REPS2: variants seen among roughly 807,000 people sequenced by gnomAD.
The protein encoded by REPS2 is RALBP1 associated Eps domain containing 2.
Under a neutral mutation model 53.6 loss-of-function variants are expected in REPS2, and 23 were observed. The observed-to-expected ratio is 0.43, with a 90% CI of 0.31 to 0.61. The LOEUF (loss-of-function observed/expected upper bound fraction) is 0.61, where lower values mean the gene tolerates loss of function less well. REPS2 is among the 20% of genes least tolerant of loss of function. The pLI, the probability that REPS2 is intolerant of heterozygous loss-of-function variation, is 0.11. For missense variants in REPS2, 446 were observed against 534.9 expected (o/e 0.83, Z 1.64); for synonymous variants, 238 against 218.6 (o/e 1.09, Z -0.78).
At chrX:16,988,360 C>T (rs2061117608) in intron 1 of REPS2, among the ~76,000 whole-genome samples, 1 of 112,066 alleles carries the variant, frequency 8.9e-6, no homozygotes, top group South Asian at 3.7e-4. Context: ...CTACAGTCTA[C>T]AGAATAACTC....
chrX:16,975,693 C>T (rs1189789700), intron 1 of REPS2, among the ~76,000 whole-genome samples: 5 of 111,742 alleles, frequency 4.5e-5, no homozygotes, highest in South Asian at 3.7e-4. Context: ...TTAGATATGA[C>T]GTATCAGAGT....
chrX:17,022,205 G>C lies in REPS2; in HGVS notation c.480G>C (p.Lys160Asn). Residue 160 changes from lysine to asparagine, a missense_variant, in exon 3 of 18, where the codon AAG becomes AAC. Physicochemically the swap from Lys to Asn is moderately conservative, Grantham distance 94. Coordinates refer to ENST00000357277, the MANE Select transcript of REPS2 (RefSeq NM_004726.3). Reference protein sequence around the residue: ...FGNPAELHGTKVQIPYLTTEK... With the variant: ...FGNPAELHGTNVQIPYLTTEK... ...ACCCAGCTGAGCTGCATGGAACTAA[G>C]GTTCAGATTCCATATTTAACTACAG... 8.3e-7 allele frequency: 1 copy of C among 1,206,806 alleles called. No homozygotes were observed. The highest frequency in any genetic ancestry group is 1.1e-6 in the Non-Finnish European group (1 of 890,943).
chrX:17,051,338 T>C (rs1243837974), intron 6 of REPS2, among the ~76,000 whole-genome samples: 1 of 112,220 alleles, frequency 8.9e-6, no homozygotes, highest in Non-Finnish European at 1.9e-5. Context: ...CACATATTTC[T>C]TTGATACACT....
chrX:17,069,785 A>G (rs1389653978), intron 10 of REPS2, among the ~76,000 whole-genome samples, 155 bp from the exon 11 acceptor site: 3 of 112,060 alleles, frequency 2.7e-5, no homozygotes, highest in African/African-American at 9.7e-5. Context: ...AGTAAATGCT[A>G]TAGCAACTTT....
At chrX:16,967,313 C>T (rs1485452742) in intron 1 of REPS2, among the ~76,000 whole-genome samples, 1 of 109,911 alleles carries the variant, frequency 9.1e-6, no homozygotes, top group Non-Finnish European at 1.9e-5. Context: ...CTCCCAGACC[C>T]TAAGAAAAAG....
chrX:17,047,668 T>G, intron 6 of REPS2, among the ~76,000 whole-genome samples, 186 bp downstream of exon 6: 1 of 112,819 alleles, frequency 8.9e-6, no homozygotes, highest in Non-Finnish European at 1.9e-5. Context: ...GAAAATTATA[T>G]TTCCATTTCA....
chrX:16,978,394 A>G (rs1273811342), intron 1 of REPS2: 1 of 132,892 alleles, frequency 7.5e-6, no homozygotes. Context: ...ATAAGTTGAA[A>G]CATCTTGATA....
chrX:16,960,258 T>C (rs758450125), intron 1 of REPS2, among the ~76,000 whole-genome samples: 1 of 110,870 alleles, frequency 9.0e-6, no homozygotes, highest in Admixed American at 9.6e-5. Flanking sequence ...TCCCTGCTAC[T>C]TGGGAGGCTG....
chrX:17,017,857 G>A lies in REPS2; in HGVS notation c.398-4266G>A, dbSNP rs140456582. Among the ~76,000 whole-genome samples, 868 of 110,843 alleles carry A rather than the reference G, an allele frequency of 7.8e-3. 12 individuals carry two copies. Among genetic ancestry groups the A allele is most frequent in the African/African-American group, 0.028 (842 of 30,499 alleles). On this transcript the variant is annotated intron_variant, in intron 2 of 17. Transcript: ENST00000357277. Reference sequence around the variant, plus strand: ...ACAAGCACAAATTGAGGTATGCAAGGAGGGTAAAATATACATGGGAGTTTG... The same window carrying A: ...ACAAGCACAAATTGAGGTATGCAAGAAGGGTAAAATATACATGGGAGTTTG...
At chrX:17,111,794 G>T (rs767096103) in intron 14 of REPS2, among the ~76,000 whole-genome samples, 1 of 111,565 alleles carries the variant, frequency 9.0e-6, no homozygotes, top group South Asian at 3.8e-4. Context: ...GGACTAGAGG[G>T]ATCCTACTAG....
intron 8 of REPS2, among the ~76,000 whole-genome samples, chrX:17,061,907 T>C (rs987475392): frequency 6.2e-5 from 7 of 112,682 alleles, no homozygotes; most frequent in Admixed American, 1.9e-4. Flanking sequence ...TTTATGCTCT[T>C]ATTTTTATCA....
downstream of REPS2, among the ~76,000 whole-genome samples, chrX:17,154,729 T>C (rs1027780826): frequency 1.8e-5 from 2 of 112,670 alleles, no homozygotes; most frequent in African/African-American, 6.5e-5. Context: ...ATCACTTTTC[T>C]TCATTTGCTG....
intron 14 of REPS2, among the ~76,000 whole-genome samples, chrX:17,118,225 C>T (rs1364261619): frequency 9.1e-6 from 1 of 109,707 alleles, no homozygotes; most frequent in Admixed American, 9.7e-5. Flanking sequence ...TCCCAAAGTG[C>T]TGGGATTACA....
intron 17 of REPS2, among the ~76,000 whole-genome samples, chrX:17,141,542 G>T (rs2063447108): frequency 8.9e-6 from 1 of 111,841 alleles, no homozygotes; most frequent in African/African-American, 3.3e-5. Context: ...CTTGGATTGG[G>T]ATTCGTAGGT....
the REPS2 span, among the ~76,000 whole-genome samples, chrX:17,189,085 T>C: frequency 1.1e-4 from 12 of 111,514 alleles, no homozygotes; most frequent in African/African-American, 3.3e-4. Flanking sequence ...TACTATACTA[T>C]GTTATGAAAT....
chrX:17,027,225 C>T (rs777175191), intron 4 of REPS2, among the ~76,000 whole-genome samples: 6 of 111,877 alleles, frequency 5.4e-5, no homozygotes, highest in East Asian at 5.6e-4. Flanking sequence ...TGCCCCCTAA[C>T]GCAATCACTG....
the REPS2 span, among the ~76,000 whole-genome samples, chrX:17,172,971 A>ATG: frequency 4.9e-4 from 31 of 63,088 alleles, no homozygotes; most frequent in African/African-American, 1.7e-3. Context: ...GTCTGTGTGT[A>ATG]TGTATGTGTG....
chrX:17,164,885 G>A, the REPS2 span, among the ~76,000 whole-genome samples: 1 of 111,848 alleles, frequency 8.9e-6, no homozygotes, highest in Admixed American at 9.5e-5. Flanking sequence ...CAAAATCTGG[G>A]TATTTGAAAA....
At chrX:17,104,682 A>T (rs1186709579) in intron 14 of REPS2, among the ~76,000 whole-genome samples, 1 of 111,809 alleles carries the variant, frequency 8.9e-6, no homozygotes, top group Non-Finnish European at 1.9e-5. Flanking sequence ...TTGAGATGCA[A>T]ATACTATGAG....
Sources: gnomAD v4.1 joint callset for allele counts (sites outside exome capture counted in the v4.1 genomes callset) on GRCh38, gnomAD v4.1.1 for gene constraint, MANE v1.5 for transcripts, NCBI Gene and HGNC (gene_info 2026-07-23, HGNC 2026-07-21) for gene names.